Variants in BLM observed in about 807,000 individuals in gnomAD.
The protein encoded by BLM is recQ-like DNA helicase BLM.
In BLM, 95 loss-of-function variants were observed where a neutral mutation model predicts 135.3. The observed-to-expected ratio is 0.70, with a 90% CI of 0.59 to 0.83. The LOEUF (loss-of-function observed/expected upper bound fraction) is 0.83, where lower values mean the gene tolerates loss of function less well. Ranked by LOEUF, BLM falls within the 40% of genes least tolerant of loss-of-function variation. The probability of loss-of-function intolerance (pLI) is 0.00; values close to 1 mark genes in which losing one functional copy is unlikely to be tolerated. For missense variants in BLM, 1,518 were observed against 1,663.9 expected, an observed-to-expected ratio of 0.91 and a Z score of 1.53; for synonymous variants, 520 against 589.2, an observed-to-expected ratio of 0.88 and a Z score of 1.70.
chr15:90,810,080 T>C (rs1897375149), intron 20 of BLM, among the ~76,000 whole-genome samples: 1 of 151,800 alleles, frequency 6.6e-6, no homozygotes, highest in African/African-American at 2.4e-5. Flanking sequence ...TCGCTTTTTT[T>C]TTTTTTGACA....
intron 14 of BLM, among the ~76,000 whole-genome samples, chr15:90,788,587 C>A (rs2151182766): frequency 6.9e-6 from 1 of 145,192 alleles, no homozygotes; most frequent in African/African-American, 2.5e-5. Context: ...TGGCAAAAAA[C>A]CTAATAATAC....
At chr15:90,814,237 A>G (rs948430010) in intron 21 of BLM, among the ~76,000 whole-genome samples, 2 of 152,114 alleles carry the variant, frequency 1.3e-5, no homozygotes, top group African/African-American at 4.8e-5. Context: ...GGTGCCGTGG[A>G]ATTAGTGTGG....
At chr15:90,773,658 A>T (rs942301580) in intron 12 of BLM, among the ~76,000 whole-genome samples, 6 of 152,058 alleles carry the variant, frequency 3.9e-5, no homozygotes, top group Non-Finnish European at 4.4e-5. Context: ...ATTCTTAGGC[A>T]ACCCCTCATC....
intron 12 of BLM, among the ~76,000 whole-genome samples, chr15:90,779,909 C>G (rs1896575132): frequency 6.6e-6 from 1 of 152,280 alleles, no homozygotes; most frequent in South Asian, 2.1e-4. Flanking sequence ...TTCACCTACA[C>G]TCATACTATT....
At chr15:90,812,415 A>G (rs775344749) in intron 21 of BLM, among the ~76,000 whole-genome samples, 33 of 149,710 alleles carry the variant, frequency 2.2e-4, no homozygotes, top group Non-Finnish European at 1.3e-4. Context: ...CCAGGGGAAC[A>G]ACAAAGACAG....
At chr15:90,731,745 T>G (rs1895074333) in intron 1 of BLM, among the ~76,000 whole-genome samples, 2 of 152,156 alleles carry the variant, frequency 1.3e-5, no homozygotes, top group Admixed American at 6.5e-5. Flanking sequence ...TTTTGTCTTT[T>G]TACAGAACAA....
intron 1 of BLM, among the ~76,000 whole-genome samples, chr15:90,728,824 TA>T (rs1894987208): frequency 6.6e-6 from 1 of 152,208 alleles, no homozygotes; most frequent in Non-Finnish European, 1.5e-5. Context: ...GCAGTCTTCC[TA>T]AACACACTGT....
At position 90,761,051 on chromosome 15, in the gene BLM, G is replaced by C. The variant is rs746386524; in HGVS notation, c.1678G>C (p.Asp560His). 7 of 1,587,642 alleles carry C rather than the reference G, an allele frequency of 4.4e-6. No homozygotes were observed. The South Asian group carries it at 7.0e-5, about 16-fold the overall frequency. ...TGATATTGATAATTTTGACATAGAT[G>C]ACTTTGATGATGATGATGACTGGGA... ...SYDIDNFDID[D>H]FDDDDDWEDI... is the part of the protein sequence containing the mutation. Residue 560 changes from aspartate (D) to histidine (H), a missense_variant, in exon 7 of 22, where the codon GAC (aspartate) becomes CAC (histidine). Around this residue, in one of 5 missense-constraint regions of BLM, gnomAD observed 724 missense variants for 756.9 expected, o/e 0.96. Coordinates refer to ENST00000355112, the MANE Select transcript of BLM (RefSeq NM_000057.4).
Position 90,749,418 on chromosome 15 carries a change from T to A in BLM, c.150T>A (p.Thr50=), listed in dbSNP as rs760605610. 1 of 1,610,650 alleles carries A rather than the reference T, an allele frequency of 6.2e-7. No homozygotes were observed. The highest frequency in any genetic ancestry group is 8.5e-7 in the Non-Finnish European group (1 of 1,176,880). ...KTSSDNNVSV[T]NVSVAKTPVL... ...CTTCAGATAACAATGTATCTGTAAC[T>A]AATGTGTCAGTAGCAAAAACACCTG... The change falls in exon 3 of 22, where the codon ACT becomes ACA. Residue 50 remains threonine, a synonymous_variant. Transcript: ENST00000355112.
chr15:90,742,197 T>TA (rs915065347), intron 1 of BLM, among the ~76,000 whole-genome samples: 11 of 152,132 alleles, frequency 7.2e-5, no homozygotes, highest in African/African-American at 9.7e-5. Flanking sequence ...TACCTCAACT[T>TA]AAAAAAATAC....
rs541456905 is a variant in BLM, at chr15:90,814,186, C to G, written c.4077-916C>G. On this transcript the variant is annotated intron_variant, in intron 21 of 21. Coordinates refer to ENST00000355112, the MANE Select transcript of BLM (RefSeq NM_000057.4). ...AATGTCATTACCCACAGGCTGTGGC[C>G]CTATACCCTCAATTCAGACGGGAGG... 4.6e-5 allele frequency among the ~76,000 whole-genome samples: 7 copies of G among 152,276 alleles called. No homozygotes were observed. The East Asian group carries it at 1.3e-3, about 29-fold the overall frequency.
intron 10 of BLM, among the ~76,000 whole-genome samples, chr15:90,767,477 C>G (rs962178581): frequency 5.3e-5 from 8 of 152,204 alleles, no homozygotes; most frequent in African/African-American, 1.9e-4. Flanking sequence ...CAGTTTCTCT[C>G]TCTTAATATC....
chr15:90,731,204 G>T (rs778903862), intron 1 of BLM, among the ~76,000 whole-genome samples: 1 of 152,138 alleles, frequency 6.6e-6, no homozygotes, highest in Non-Finnish European at 1.5e-5. Flanking sequence ...CTCCAAAAGC[G>T]CTGGGATTAT....
intron 21 of BLM, among the ~76,000 whole-genome samples, chr15:90,813,655 T>C (rs374678): frequency 0.32 from 49,367 of 152,088 alleles, 8,950 homozygotes; most frequent in East Asian, 0.55. Context: ...CCCAAAGTGC[T>C]GGGATGACAG....
At chr15:90,785,199 C>T (rs987041355) in intron 14 of BLM, 118 bp downstream of exon 14, 3 of 1,164,432 alleles carry the variant, frequency 2.6e-6, no homozygotes, top group Admixed American at 2.3e-5. Flanking sequence ...CAAAATAAGA[C>T]TGAAATTTAA....
At chr15:90,773,203 T>A (rs112892868) in intron 12 of BLM, among the ~76,000 whole-genome samples, 16,939 of 151,400 alleles carry the variant, frequency 0.11, 1,822 homozygotes, top group African/African-American at 0.29. Flanking sequence ...ACGGATCACC[T>A]GAGGTCAGGA....
In BLM at chr15:90,760,222, A is replaced by T; in HGVS notation, c.1163A>T (p.Asp388Val). 3 of 1,614,046 alleles carry T rather than the reference A, an allele frequency of 1.9e-6. No homozygotes were observed. The highest frequency in any genetic ancestry group is 2.5e-6 in the Non-Finnish European group (3 of 1,179,962). Residue 388 changes from aspartate (D) to valine (V), a missense_variant, in exon 6 of 22, where the codon GAT becomes GTT. Asp to Val is a radical substitution (Grantham distance 152). This residue lies in a region of BLM where 724 missense variants were observed against 756.9 expected (regional missense o/e 0.96). Coordinates refer to ENST00000355112, the MANE Select transcript of BLM (RefSeq NM_000057.4). ...TGTAAATTAATTGATACTATTCCTG[A>T]TGATAAACTGAAACTTTTGGATTGT... ...HICKLIDTIPDDKLKLLDCGN... is the reference protein window; with the variant it reads ...HICKLIDTIPVDKLKLLDCGN...
intron 5 of BLM, 125 bp from the exon 6 acceptor site, chr15:90,760,022 T>C (rs770006385): frequency 1.1e-6 from 1 of 870,432 alleles, no homozygotes. Flanking sequence ...ACTCCTGGAC[T>C]TAAGCAATCC....
chr15:90,778,889 C>CTTTTTTTTT (rs60733714), intron 12 of BLM, among the ~76,000 whole-genome samples: 4 of 135,088 alleles, frequency 3.0e-5, no homozygotes, highest in African/African-American at 1.1e-4. Flanking sequence ...TTAACCCTTT[C>CTTTTTTTTT]TTTTTTTTTT....
Sources: gnomAD v4.1 joint callset for allele counts (sites outside exome capture counted in the v4.1 genomes callset) on GRCh38, gnomAD v4.1.1 for gene constraint, gnomAD v4.1.1 regional missense constraint, MANE v1.5 for transcripts, NCBI Gene and HGNC (gene_info 2026-07-23, HGNC 2026-07-21) for gene names.